AFF1: variants seen among roughly 807,000 people sequenced by gnomAD.
AFF1 encodes the protein ALF transcription elongation factor 1, also known as AF4/FMR2 family member 1.
AFF1 carries 48 observed loss-of-function variants against 121.7 expected under a neutral mutation model. The ratio of observed to expected loss-of-function variants is 0.39; its 90% confidence interval spans 0.31 to 0.50. AFF1 has a LOEUF of 0.50. AFF1 is among the 20% of genes least tolerant of loss of function. The pLI, the probability that AFF1 is intolerant of heterozygous loss-of-function variation, is 0.76. For synonymous variants in AFF1, 613 were observed against 563.0 expected, an observed-to-expected ratio of 1.09 and a Z score of -1.26; for missense variants, 1,523 against 1,511.7, an observed-to-expected ratio of 1.01 and a Z score of -0.12.
chr4:87,046,300 A>G lies in AFF1; in HGVS notation c.159+14A>G, dbSNP rs1456789966. 2.7e-5 allele frequency: 44 copies of G among 1,606,862 alleles called. No homozygotes were observed. Among genetic ancestry groups the G allele is most frequent in the Non-Finnish European group, 3.7e-5 (44 of 1,178,134 alleles). ...GAGCCCTACAAGGTATTTACTGAAC[A>G]CTAGACATTGAAGTCCTGATTTATC... On this transcript the variant is annotated intron_variant, in intron 3 of 20. Transcript: ENST00000395146.
chr4:87,120,426 G>A (rs965921139), intron 12 of AFF1, among the ~76,000 whole-genome samples: 3 of 152,214 alleles, frequency 2.0e-5, no homozygotes, highest in African/African-American at 7.2e-5. Context: ...AAGAACCTTA[G>A]TGGTCCCTTG....
intron 1 of AFF1, among the ~76,000 whole-genome samples, chr4:86,939,793 T>G (rs1720320714): frequency 6.6e-6 from 1 of 152,232 alleles, no homozygotes; most frequent in African/African-American, 2.4e-5. Context: ...TGTGCTCCTC[T>G]TACCCGTCCC....
At chr4:86,981,821 C>T (rs1386939535) in intron 2 of AFF1, among the ~76,000 whole-genome samples, 3 of 152,250 alleles carry the variant, frequency 2.0e-5, no homozygotes, top group Non-Finnish European at 4.4e-5. Flanking sequence ...ACGTGCATCA[C>T]GATCTCTAAC....
intron 14 of AFF1, among the ~76,000 whole-genome samples, chr4:87,126,642 T>C (rs148666377): frequency 2.2e-3 from 342 of 152,342 alleles, no homozygotes; most frequent in Admixed American, 3.9e-3. Flanking sequence ...AGTCCTGCTT[T>C]GAATGTTTGA....
At chr4:87,070,549 C>T (rs1721926146) in intron 4 of AFF1, among the ~76,000 whole-genome samples, 1 of 152,264 alleles carries the variant, frequency 6.6e-6, no homozygotes, top group African/African-American at 2.4e-5. Flanking sequence ...TTGGCAGCTT[C>T]TCAGCCTAAA....
chr4:86,987,946 CA>C lies in AFF1; in HGVS notation c.38+39392del, dbSNP rs70953634. Among the ~76,000 whole-genome samples, 371 of 134,666 alleles carry C rather than the reference CA, an allele frequency of 2.8e-3. 2 individuals carry two copies. The highest frequency in any genetic ancestry group is 4.9e-3 in the African/African-American group (176 of 35,572). 88.3% of individuals were successfully genotyped at this position (134,666 alleles called of 152,430 possible). A position where few individuals can be genotyped will look rare whatever the true frequency, so the allele number is the denominator to read the frequency against. On this transcript the variant is annotated intron_variant, in intron 2 of 20. Transcript: ENST00000395146. ...TCAGCTTGGGGGACAGAGTGAGACT[CA>C]AAAAAAAAAAAAAAAATTATCCAAT...
chr4:87,105,530 T>A, intron 8 of AFF1, 98 bp from the exon 9 acceptor site: 3 of 1,347,932 alleles, frequency 2.2e-6, no homozygotes, highest in Non-Finnish European at 3.2e-6. Flanking sequence ...ACATATCCTC[T>A]CTCTTTGTTT....
intron 4 of AFF1, among the ~76,000 whole-genome samples, chr4:87,056,059 A>G (rs375819799): frequency 3.3e-5 from 5 of 151,480 alleles, no homozygotes; most frequent in African/African-American, 7.3e-5. Context: ...TTCATTCCCT[A>G]TTTAAATTTG....
intron 16 of AFF1, among the ~76,000 whole-genome samples, chr4:87,130,160 A>G (rs1166439694): frequency 6.6e-6 from 1 of 151,796 alleles, no homozygotes; most frequent in African/African-American, 2.4e-5. Flanking sequence ...TTCAGTAGAG[A>G]TGGGATTTTG....
intron 2 of AFF1, among the ~76,000 whole-genome samples, chr4:87,027,578 C>T (rs1201228560): frequency 6.6e-6 from 1 of 152,166 alleles, no homozygotes; most frequent in African/African-American, 2.4e-5. Context: ...ACACAACGAT[C>T]CTACCACAGT....
At chr4:87,120,134 A>T (rs1232118637) in intron 12 of AFF1, among the ~76,000 whole-genome samples, 1 of 152,206 alleles carries the variant, frequency 6.6e-6, no homozygotes, top group Non-Finnish European at 1.5e-5. Context: ...GCGTTCCCTC[A>T]CCAAAGAGAA....
chr4:86,982,318 A>G (rs1723811636), intron 2 of AFF1, among the ~76,000 whole-genome samples: 1 of 152,014 alleles, frequency 6.6e-6, no homozygotes, highest in Non-Finnish European at 1.5e-5. Context: ...GGCAAAGAAA[A>G]GATGTTCACA....
chr4:87,100,321 C>G (rs1725298662), intron 8 of AFF1, among the ~76,000 whole-genome samples: 1 of 152,122 alleles, frequency 6.6e-6, no homozygotes, highest in Non-Finnish European at 1.5e-5. Flanking sequence ...CTCCAAGAAC[C>G]TCCATAACCT....
chr4:87,127,829 A>C (rs1168726837), intron 16 of AFF1, 126 bp downstream of exon 16: 1 of 938,588 alleles, frequency 1.1e-6, no homozygotes, highest in African/African-American at 1.7e-5. Flanking sequence ...GGGGTGCAGC[A>C]GGCGCAGGAG....
At chr4:87,118,784 T>C (rs550876133) in intron 12 of AFF1, among the ~76,000 whole-genome samples, 1 of 152,344 alleles carries the variant, frequency 6.6e-6, no homozygotes, top group African/African-American at 2.4e-5. Context: ...GTCTAGCTCC[T>C]TGGTGTTTTG....
chr4:87,017,005 A>G (rs916991779), intron 2 of AFF1, among the ~76,000 whole-genome samples: 3 of 151,890 alleles, frequency 2.0e-5, no homozygotes, highest in Non-Finnish European at 4.4e-5. Context: ...GGTTGTCCCA[A>G]TTTTTTAAAA....
At chr4:87,008,037 C>T (rs1726345931) in intron 2 of AFF1, among the ~76,000 whole-genome samples, 2 of 150,714 alleles carry the variant, frequency 1.3e-5, no homozygotes, top group South Asian at 4.2e-4. Context: ...GAACCTGAAG[C>T]CCCGTCTTTC....
intron 2 of AFF1, among the ~76,000 whole-genome samples, chr4:86,976,461 C>G (rs1027399087): frequency 5.9e-5 from 9 of 152,104 alleles, no homozygotes; most frequent in Admixed American, 4.6e-4. Flanking sequence ...GAGATCATGT[C>G]CTTTGCATCA....
At chr4:87,036,301 A>T (rs1308096908) in intron 2 of AFF1, among the ~76,000 whole-genome samples, 1 of 152,144 alleles carries the variant, frequency 6.6e-6, no homozygotes, top group African/African-American at 2.4e-5. Context: ...AATTTTCTGA[A>T]ATTTGTCAGT....
Sources: gnomAD v4.1 joint callset for allele counts (sites outside exome capture counted in the v4.1 genomes callset) on GRCh38, gnomAD v4.1.1 for gene constraint, MANE v1.5 for transcripts, NCBI Gene and HGNC (gene_info 2026-07-23, HGNC 2026-07-21) for gene names.